SUMO3: variants seen among roughly 807,000 people sequenced by gnomAD.
SUMO3 encodes small ubiquitin like modifier 3.
SUMO3 carries 2 observed loss-of-function variants against 11.1 expected under a neutral mutation model. The observed-to-expected ratio is 0.18, with a 90% CI of 0.07 to 0.57. The LOEUF (loss-of-function observed/expected upper bound fraction) is 0.57, where lower values mean the gene tolerates loss of function less well. Among genes scored for constraint, SUMO3 ranks in the 20% least tolerant of loss-of-function variants. The pLI is 0.92. For missense variants in SUMO3, 70 were observed against 132.8 expected, an observed-to-expected ratio of 0.53 and a Z score of 2.32; for synonymous variants, 56 against 53.5, an observed-to-expected ratio of 1.05 and a Z score of -0.20.
At position 44,817,978 on chromosome 21, in the gene SUMO3, AGCGGCGCGGGGAG is replaced by A. The variant is rs911671484; in HGVS notation, c.-23_-11del. On this transcript the variant is annotated 5_prime_UTR_variant, in exon 1 of 4. Transcript: ENST00000332859. ...GCTTCTCCTCGGACATGGCTGCGCG[AGCGGCGCGGGGAG>A]GCGGCGCGGGGGAAGCAGCGCGGAG... The A allele has an allele frequency of 2.5e-5, 27 of 1,096,892 alleles. No individual in the cohort carries two copies. The highest frequency in any genetic ancestry group is 3.6e-4 in the Middle Eastern group (1 of 2,766). 67.9% of individuals were successfully genotyped at this position (1,096,892 alleles called of 1,614,324 possible).
chr21:44,813,077 G>A (rs2083221834), intron 2 of SUMO3, among the ~76,000 whole-genome samples: 3 of 152,362 alleles, frequency 2.0e-5, no homozygotes, highest in South Asian at 4.1e-4. Context: ...CAAGGCAGTC[G>A]CCAGTGACTG....
Position 44,813,997 on chromosome 21 carries a change from C to G in SUMO3, c.129G>C (p.Met43Ile), listed in dbSNP as rs1284579051. The G allele has an allele frequency of 1.9e-6, 3 of 1,612,698 alleles. No individual in the cohort carries two copies. Among genetic ancestry groups the G allele is most frequent in the Non-Finnish European group, 2.5e-6 (3 of 1,180,010 alleles). ...IKRHTPLSKL[M>I]KAYCERQGLS... ...GCACCTGCCTCTCGCAGTAGGCCTTCATCAGCTTGCTCAGCGGCGTGTGCC... is the reference window on the plus strand; with the variant it reads ...GCACCTGCCTCTCGCAGTAGGCCTTGATCAGCTTGCTCAGCGGCGTGTGCC... Residue 43 changes from methionine (M) to isoleucine (I), a missense_variant, in exon 2 of 4, where the codon ATG (methionine) becomes ATC (isoleucine). Transcript: ENST00000332859.
intron 1 of SUMO3, among the ~76,000 whole-genome samples, chr21:44,816,062 C>A (rs1013974568): frequency 1.3e-5 from 2 of 152,172 alleles, no homozygotes; most frequent in Admixed American, 6.5e-5. Flanking sequence ...AGGGGACCCA[C>A]CAGAAGCGGG....
rs141141907 is a variant in SUMO3, at chr21:44,808,328, T to C, written c.222+719A>G. The C allele has an allele frequency of 1.3e-3, 485 of 380,896 alleles. 3 individuals carry two copies. The highest frequency in any genetic ancestry group is 3.3e-3 in the East Asian group (75 of 22,940). 23.6% of individuals were successfully genotyped at this position (380,896 alleles called of 1,614,324 possible). On this transcript the variant is annotated intron_variant, in intron 3 of 3. Transcript: ENST00000332859. ...GAGATCGAGACCATCCTGGCTAACATGGTGAAACCCCGTCTCTACTAAAAA... is the reference window on the plus strand; with the variant it reads ...GAGATCGAGACCATCCTGGCTAACACGGTGAAACCCCGTCTCTACTAAAAA...
chr21:44,808,689 C>T, intron 3 of SUMO3: 1 of 1,340,316 alleles, frequency 7.5e-7, no homozygotes, highest in East Asian at 2.6e-5. Flanking sequence ...GTGCAAGATG[C>T]TTAAAGGGCA....
intron 1 of SUMO3, among the ~76,000 whole-genome samples, chr21:44,817,700 G>T (rs2083255332): frequency 6.6e-6 from 1 of 150,908 alleles, no homozygotes; most frequent in South Asian, 2.1e-4. Flanking sequence ...CCCAGCTGGG[G>T]AGGAGACGGG....
intron 2 of SUMO3, chr21:44,813,422 C>G: frequency 1.5e-5 from 3 of 198,444 alleles, no homozygotes; most frequent in South Asian, 1.1e-4. Flanking sequence ...AGCCAGAAGG[C>G]ATCCACCCAG....
rs2083207773 is a variant in SUMO3 at position 44,811,013 on chromosome 21, CAT to C, written c.151-1897_151-1896del. 8.9e-6 allele frequency among the ~76,000 whole-genome samples: 1 copy of C among 112,978 alleles called. No homozygotes were observed. Among genetic ancestry groups the C allele is most frequent in the Non-Finnish European group, 2.0e-5 (1 of 48,960 alleles). 74.1% of individuals were successfully genotyped at this position (112,978 alleles called of 152,430 possible). ...ACACACCCACACATGCACACACCCA[CAT>C]ATGCACACACGCACACACCCACATA... On this transcript the variant is annotated intron_variant, in intron 2 of 3. Transcript: ENST00000332859. The surrounding 1 kb of genome is among the most constrained non-coding windows in gnomAD (Gnocchi z 5.0).
In SUMO3 at chr21:44,806,936, C is replaced by T; in HGVS notation, c.*15G>A. On this transcript the variant is annotated 3_prime_UTR_variant, in exon 4 of 4. Transcript: ENST00000332859. ...GCAATGCGAGGATGGACGGCCCGGG[C>T]TGGGGACGGGCCCTCTAGAAACTGT... 1 of 1,614,020 alleles carries T rather than the reference C, an allele frequency of 6.2e-7. No homozygotes were observed. The highest frequency in any genetic ancestry group is 8.5e-7 in the Non-Finnish European group (1 of 1,179,974).
chr21:44,807,822 G>A lies in SUMO3; in HGVS notation c.223-782C>T, dbSNP rs1340658251. On this transcript the variant is annotated intron_variant, in intron 3 of 3. Transcript: ENST00000332859. This position sits in a 1 kb window ranked among gnomAD's most constrained non-coding sequence, Gnocchi z 4.3. ...CTCTCGGTCCACCTGTCCACAGCCAGCCCCCTGACCCCCAGTCAAGCCCCA... is the reference window on the plus strand; with the variant it reads ...CTCTCGGTCCACCTGTCCACAGCCAACCCCCTGACCCCCAGTCAAGCCCCA... Among the ~76,000 whole-genome samples the A allele has an allele frequency of 2.0e-5, 3 of 152,088 alleles. No individual in the cohort carries two copies. The highest frequency in any genetic ancestry group is 4.4e-5 in the Non-Finnish European group (3 of 68,020).
rs1315588576 is a variant in SUMO3 at position 44,806,385 on chromosome 21, A to C, written c.*566T>G. 1 of 152,528 alleles carries C rather than the reference A, an allele frequency of 6.6e-6. No homozygotes were observed. The highest frequency in any genetic ancestry group is 1.5e-5 in the Non-Finnish European group (1 of 68,304). 9.4% of individuals were successfully genotyped at this position (152,528 alleles called of 1,614,324 possible). On this transcript the variant is annotated 3_prime_UTR_variant, in exon 4 of 4. Transcript: ENST00000332859. Reference sequence around the variant, plus strand: ...CTCGGTTATTTTTTAACCTTTGAAGAAGCATTCCAGTATTTTCCCTTCAAC... The same window carrying C: ...CTCGGTTATTTTTTAACCTTTGAAGCAGCATTCCAGTATTTTCCCTTCAAC...
chr21:44,808,629 G>A (rs2083192795), intron 3 of SUMO3: 1 of 1,385,614 alleles, frequency 7.2e-7, no homozygotes, highest in Non-Finnish European at 9.4e-7. Context: ...AACGAGCTGT[G>A]CAGACTGATA....
Position 44,807,026 on chromosome 21 carries a change from G to T in SUMO3, c.237C>A (p.Asp79Glu). The T allele has an allele frequency of 6.2e-7, 1 of 1,613,906 alleles. No homozygotes were observed. The highest frequency in any genetic ancestry group is 8.5e-7 in the Non-Finnish European group (1 of 1,179,972). ...GCTGGAACACGTCGATGGTGTCCTCGTCCTCCATCTCCAGCTGTCATGGTT... is the reference window on the plus strand; with the variant it reads ...GCTGGAACACGTCGATGGTGTCCTCTTCCTCCATCTCCAGCTGTCATGGTT... ...TDTPAQLEME[D>E]EDTIDVFQQQ... is the part of the protein sequence containing the mutation. Residue 79 changes from aspartate (D) to glutamate (E), a missense_variant, in exon 4 of 4, where the codon GAC (aspartate) becomes GAA (glutamate). Coordinates refer to ENST00000332859, the MANE Select transcript of SUMO3 (RefSeq NM_006936.3). The surrounding 1 kb of genome is among the most constrained non-coding windows in gnomAD (Gnocchi z 4.3).
chr21:44,808,990 C>T lies in SUMO3; in HGVS notation c.222+57G>A, dbSNP rs1462661671. ...TCTCAAATAAGCGTATCCCAAATGGCAGTTACCCCGCACAAATCGGAAGTC... is the reference window on the plus strand; with the variant it reads ...TCTCAAATAAGCGTATCCCAAATGGTAGTTACCCCGCACAAATCGGAAGTC... On this transcript the variant is annotated intron_variant, in intron 3 of 3. Transcript: ENST00000332859. 5 of 1,441,908 alleles carry T rather than the reference C, an allele frequency of 3.5e-6. No individual in the cohort carries two copies. In the African/African-American group the frequency reaches 4.2e-5, roughly 12 times the overall value. 89.3% of individuals were successfully genotyped at this position (1,441,908 alleles called of 1,614,324 possible). A position where few individuals can be genotyped will look rare whatever the true frequency, so the allele number is the denominator to read the frequency against.
In SUMO3 at chr21:44,818,026, C is replaced by G. The variant is rs1221932654; in HGVS notation, c.-58G>C. On this transcript the variant is annotated 5_prime_UTR_variant, in exon 1 of 4. Coordinates refer to ENST00000332859, the MANE Select transcript of SUMO3 (RefSeq NM_006936.3). ...GGGAAGCAGCGCGGAGCGGGCGAGT[C>G]ACGCTCTCGGCCCCGCCGCTCTCCC... The G allele has an allele frequency of 1.7e-6, 2 of 1,163,666 alleles. No individual in the cohort carries two copies. Among genetic ancestry groups the G allele is most frequent in the African/African-American group, 1.6e-5 (1 of 61,582 alleles). The allele number at this position is 1,163,666 out of a possible 1,614,324, so 72.1% of individuals were successfully genotyped here.
chr21:44,812,788 G>A (rs901736842), intron 2 of SUMO3, among the ~76,000 whole-genome samples: 2 of 152,214 alleles, frequency 1.3e-5, no homozygotes, highest in Non-Finnish European at 2.9e-5. Flanking sequence ...GGCCCCACAC[G>A]CCTGCCATCC....
Position 44,805,963 on chromosome 21 carries a change from G to A in SUMO3, c.*988C>T, listed in dbSNP as rs1433020125. On this transcript the variant is annotated 3_prime_UTR_variant, in exon 4 of 4. Coordinates refer to ENST00000332859, the MANE Select transcript of SUMO3 (RefSeq NM_006936.3). ...TCAATACCTATTTGGAAAGCAGCAC[G>A]GCACAAACCCACGAGAAGAACATGA... The A allele has an allele frequency of 2.6e-5, 4 of 152,252 alleles. No individual in the cohort carries two copies. Among genetic ancestry groups the A allele is most frequent in the Admixed American group, 1.3e-4 (2 of 15,266 alleles). The allele number at this position is 152,252 out of a possible 1,614,324, so 9.4% of individuals were successfully genotyped here. A position where few individuals can be genotyped will look rare whatever the true frequency, so the allele number is the denominator to read the frequency against.
In SUMO3 at chr21:44,806,609, GA is replaced by G. The variant is rs777135428; in HGVS notation, c.*341del. 1.2e-5 allele frequency: 4 copies of G among 321,158 alleles called. No homozygotes were observed. Among genetic ancestry groups the G allele is most frequent in the Non-Finnish European group, 1.7e-5 (3 of 173,604 alleles). The allele number at this position is 321,158 out of a possible 1,614,324, so 19.9% of individuals were successfully genotyped here. A position where few individuals can be genotyped will look rare whatever the true frequency, so the allele number is the denominator to read the frequency against. On this transcript the variant is annotated 3_prime_UTR_variant, in exon 4 of 4. Transcript: ENST00000332859. ...GGAGAGGCAACCAACTCAGGAGTCA[GA>G]TCCCTGGCCAGACTAAAAGCGAACA...
rs111959345 is a variant in SUMO3, at chr21:44,806,630, C to G, written c.*321G>C. 1 of 396,506 alleles carries G rather than the reference C, an allele frequency of 2.5e-6. No homozygotes were observed. Among genetic ancestry groups the G allele is most frequent in the Non-Finnish European group, 4.3e-6 (1 of 230,344 alleles). 24.6% of individuals were successfully genotyped at this position (396,506 alleles called of 1,614,324 possible). A position where few individuals can be genotyped will look rare whatever the true frequency, so the allele number is the denominator to read the frequency against. On this transcript the variant is annotated 3_prime_UTR_variant, in exon 4 of 4. Coordinates refer to ENST00000332859, the MANE Select transcript of SUMO3 (RefSeq NM_006936.3). Reference sequence around the variant, plus strand: ...GTCAGATCCCTGGCCAGACTAAAAGCGAACATTCAGGCTATAATTTTGGGG... The same window carrying G: ...GTCAGATCCCTGGCCAGACTAAAAGGGAACATTCAGGCTATAATTTTGGGG...
Sources: gnomAD v4.1 joint callset for allele counts (sites outside exome capture counted in the v4.1 genomes callset) on GRCh38, gnomAD v4.1.1 for gene constraint, Gnocchi (gnomAD v3.1) non-coding constraint, MANE v1.5 for transcripts, NCBI Gene and HGNC (gene_info 2026-07-23, HGNC 2026-07-21) for gene names.